PKHD1: variants seen among roughly 807,000 people sequenced by gnomAD.
PKHD1 encodes PKHD1 ciliary IPT domain containing fibrocystin/polyductin.
Under a neutral mutation model 412.0 loss-of-function variants are expected in PKHD1, and 291 were observed. That is an observed-to-expected ratio of 0.71 (90% confidence interval 0.64 to 0.78). PKHD1 has a LOEUF of 0.78. Ranked by LOEUF, PKHD1 falls within the 30% of genes least tolerant of loss-of-function variation. PKHD1 has a pLI of 0.00. For missense variants in PKHD1, 4,825 were observed against 4,950.7 expected (o/e 0.97, Z 0.76); for synonymous variants, 1,777 against 1,821.5 (o/e 0.98, Z 0.62).
chr6:51,921,753 C>T (rs1784743964), intron 37 of PKHD1, among the ~76,000 whole-genome samples: 1 of 152,176 alleles, frequency 6.6e-6, no homozygotes, highest in African/African-American at 2.4e-5. Context: ...TCACATAGTT[C>T]TCATGCCATG....
At chr6:52,038,976 A>T (rs568027589) in intron 27 of PKHD1, among the ~76,000 whole-genome samples, 1 of 152,356 alleles carries the variant, frequency 6.6e-6, no homozygotes, top group African/African-American at 2.4e-5. Flanking sequence ...AAATATTTGC[A>T]AATTATTTAT....
chr6:51,900,012 C>A (rs1361562883), intron 43 of PKHD1, among the ~76,000 whole-genome samples: 16 of 151,888 alleles, frequency 1.1e-4, no homozygotes, highest in Non-Finnish European at 1.3e-4. Context: ...TCAAGGAAAT[C>A]AAAGAGGATA....
chr6:51,848,822 A>G (rs1311710036), intron 49 of PKHD1, among the ~76,000 whole-genome samples: 3 of 152,142 alleles, frequency 2.0e-5, no homozygotes, highest in African/African-American at 4.8e-5. Context: ...ATATGTGTTA[A>G]AAGTATGAAA....
At chr6:51,660,702 T>C (rs1462729514) in intron 60 of PKHD1, among the ~76,000 whole-genome samples, 3 of 152,136 alleles carry the variant, frequency 2.0e-5, no homozygotes, top group Non-Finnish European at 4.4e-5. Context: ...AACAGACAGA[T>C]GGAAGAGACG....
chr6:51,746,613 AT>A, intron 59 of PKHD1, 107 bp downstream of exon 59: 3 of 764,028 alleles, frequency 3.9e-6, no homozygotes, highest in Non-Finnish European at 6.9e-6. Context: ...TCTAAGATTC[AT>A]TTCTATTTCT....
chr6:51,774,356 A>G (rs774139286), intron 54 of PKHD1, among the ~76,000 whole-genome samples: 9 of 152,156 alleles, frequency 5.9e-5, no homozygotes, highest in Non-Finnish European at 8.8e-5. Flanking sequence ...TTTCAAAGAC[A>G]CTAGTTTGAC....
chr6:51,950,216 A>ATATAT (rs1554156634), intron 36 of PKHD1, among the ~76,000 whole-genome samples: 3 of 41,980 alleles, frequency 7.1e-5, no homozygotes, highest in African/African-American at 1.4e-4. Context: ...TAGAGAAAAA[A>ATATAT]AAAAATATAT....
intron 66 of PKHD1, among the ~76,000 whole-genome samples, chr6:51,622,137 G>A (rs765626677): frequency 6.6e-6 from 1 of 152,094 alleles, no homozygotes; most frequent in African/African-American, 2.4e-5. Context: ...ACTGGTTCTG[G>A]GTTCTTTCGG....
At chr6:51,765,137 G>A (rs563213035) in intron 55 of PKHD1, among the ~76,000 whole-genome samples, 1 of 151,960 alleles carries the variant, frequency 6.6e-6, no homozygotes, top group Admixed American at 6.6e-5. Context: ...CCATTCATCA[G>A]TGTGCTCCAT....
intron 5 of PKHD1, among the ~76,000 whole-genome samples, chr6:52,077,025 C>A (rs1177736989): frequency 8.5e-5 from 13 of 152,176 alleles, no homozygotes; most frequent in African/African-American, 2.9e-4. Context: ...AATCATCTTA[C>A]AATGCCCCCT....
At chr6:51,858,474 A>G (rs1339905001) in intron 48 of PKHD1, among the ~76,000 whole-genome samples, 2 of 152,224 alleles carry the variant, frequency 1.3e-5, no homozygotes, top group South Asian at 2.1e-4. Context: ...AAAATTGGCT[A>G]CAGTAGGTAC....
chr6:51,903,454 C>T (rs746623381), intron 43 of PKHD1, 143 bp downstream of exon 43: 51 of 711,158 alleles, frequency 7.2e-5, no homozygotes, highest in Non-Finnish European at 6.4e-5. Flanking sequence ...AGCGTTAGTG[C>T]ATTTTATGTG....
chr6:51,874,783 CTCCGGTCTA>C (rs1395315536), intron 46 of PKHD1, among the ~76,000 whole-genome samples: 47 of 120,486 alleles, frequency 3.9e-4, no homozygotes, highest in South Asian at 1.3e-3. Context: ...AAAAAATGAG[CTCCGGTCTA>C]CAGCTCCCAG....
At chr6:52,080,442 A>G (rs576605677) in intron 4 of PKHD1, among the ~76,000 whole-genome samples, 1 of 152,200 alleles carries the variant, frequency 6.6e-6, no homozygotes, top group Non-Finnish European at 1.5e-5. Flanking sequence ...GCCCATAAAT[A>G]CTTCATGTAG....
chr6:51,616,593 C>G lies in PKHD1; in HGVS notation c.*2488G>C. 1 of 396,292 alleles carries G rather than the reference C, an allele frequency of 2.5e-6. No individual in the cohort carries two copies. Among genetic ancestry groups the G allele is most frequent in the Non-Finnish European group, 4.4e-6 (1 of 225,280 alleles). 24.5% of individuals were successfully genotyped at this position (396,292 alleles called of 1,614,324 possible). A position where few individuals can be genotyped will look rare whatever the true frequency, so the allele number is the denominator to read the frequency against. ...TGGGTTGAGGAATTTTAGCTAGATG[C>G]CAAAATTCCATGCCACATGCTAGAG... On this transcript the variant is annotated 3_prime_UTR_variant, in exon 67 of 67. Transcript: ENST00000371117.
In PKHD1 at chr6:52,017,419, A is replaced by C; in HGVS notation, c.5591T>G (p.Leu1864Arg). The C allele has an allele frequency of 6.2e-7, 1 of 1,609,968 alleles. No homozygotes were observed. Among genetic ancestry groups the C allele is most frequent in the Non-Finnish European group, 8.5e-7 (1 of 1,176,166 alleles). The change falls in exon 34 of 67, where the codon CTC becomes CGC. Residue 1864 changes from leucine (L) to arginine (R), a missense_variant. Leu to Arg is a moderately radical substitution (Grantham distance 102). Transcript: ENST00000371117. Reference protein sequence around the residue: ...AESMFPSFSGLFISPKLERDE... With the variant: ...AESMFPSFSGRFISPKLERDE... ...GAGAAGGTAAAGTTACCTGATAAAG[A>C]GGCCCGAGAATGATGGAAACATTGA...
chr6:51,891,155 T>C (rs1425523392), intron 43 of PKHD1, among the ~76,000 whole-genome samples: 1 of 152,248 alleles, frequency 6.6e-6, no homozygotes, highest in African/African-American at 2.4e-5. Context: ...CATTTCTTTA[T>C]CCTTAGACTA....
intron 14 of PKHD1, 39 bp downstream of exon 14, chr6:52,062,480 G>T (rs747522876): frequency 2.5e-6 from 4 of 1,612,066 alleles, no homozygotes; most frequent in African/African-American, 1.3e-5. Flanking sequence ...GTTAGCAAAG[G>T]TGCTTTTGAT....
chr6:51,782,464 G>T (rs2151200953), intron 53 of PKHD1, among the ~76,000 whole-genome samples: 1 of 152,212 alleles, frequency 6.6e-6, no homozygotes, highest in East Asian at 1.9e-4. Flanking sequence ...ACCTCTAAGG[G>T]GCAAAGGTTT....
Sources: gnomAD v4.1 joint callset for allele counts (sites outside exome capture counted in the v4.1 genomes callset) on GRCh38, gnomAD v4.1.1 for gene constraint, MANE v1.5 for transcripts, NCBI Gene and HGNC (gene_info 2026-07-23, HGNC 2026-07-21) for gene names.